The following RELN variants were observed in gnomAD, a reference collection of about 807,000 sequenced individuals.
RELN encodes reelin.
RELN carries 108 observed loss-of-function variants against 427.6 expected under a neutral mutation model. The ratio of observed to expected loss-of-function variants is 0.25; its 90% CI spans 0.22 to 0.30. The LOEUF (loss-of-function observed/expected upper bound fraction) is 0.30, where lower values mean the gene tolerates loss of function less well. Ranked by LOEUF, RELN falls within the 10% of genes least tolerant of loss-of-function variation. The pLI is 1.00. For missense variants in RELN, 3,715 were observed against 4,302.8 expected (o/e 0.86, Z 3.82); for synonymous variants, 1,524 against 1,513.4 (o/e 1.01, Z -0.16).
chr7:103,976,821 C>T (rs1039242747), intron 1 of RELN, among the ~76,000 whole-genome samples: 1 of 152,104 alleles, frequency 6.6e-6, no homozygotes, highest in Non-Finnish European at 1.5e-5. Context: ...ATCAAGAGGT[C>T]GGGCAAATTG....
chr7:103,814,201 C>A (rs1035551139), intron 3 of RELN, among the ~76,000 whole-genome samples: 3 of 152,162 alleles, frequency 2.0e-5, no homozygotes, highest in Non-Finnish European at 4.4e-5. Context: ...GGCATAATAA[C>A]ACTGCTTATT....
At chr7:103,652,242 T>C (rs1832932752) in intron 14 of RELN, among the ~76,000 whole-genome samples, 1 of 151,776 alleles carries the variant, frequency 6.6e-6, no homozygotes, top group Admixed American at 6.6e-5. Context: ...TCAAGCTTTT[T>C]TTCAGTTGCT....
At chr7:103,577,367 G>A (rs753290292) in intron 28 of RELN, among the ~76,000 whole-genome samples, 4 of 152,054 alleles carry the variant, frequency 2.6e-5, no homozygotes, top group Non-Finnish European at 4.4e-5. Flanking sequence ...AGCCAGTAAT[G>A]TTGTTTATTA....
intron 8 of RELN, among the ~76,000 whole-genome samples, chr7:103,714,646 T>G (rs1034633458): frequency 3.9e-5 from 6 of 152,172 alleles, no homozygotes; most frequent in Non-Finnish European, 8.8e-5. Context: ...AGCTCATGCT[T>G]TGTCGAAGTT....
At chr7:103,709,781 T>C (rs1039873560) in intron 8 of RELN, among the ~76,000 whole-genome samples, 10 of 152,234 alleles carry the variant, frequency 6.6e-5, no homozygotes, top group African/African-American at 2.4e-4. Context: ...AATAAATCCA[T>C]GGCTTAAAAT....
chr7:103,876,787 T>TA (rs1554435444), intron 2 of RELN, among the ~76,000 whole-genome samples: 44 of 151,166 alleles, frequency 2.9e-4, no homozygotes, highest in South Asian at 1.5e-3. Flanking sequence ...GCTCTTTTTT[T>TA]TAAAAAAAAG....
chr7:103,858,797 A>G (rs1308982940), intron 2 of RELN, among the ~76,000 whole-genome samples: 1 of 152,160 alleles, frequency 6.6e-6, no homozygotes, highest in Non-Finnish European at 1.5e-5. Flanking sequence ...CATTATAGCA[A>G]ATGTGGACAA....
intron 3 of RELN, among the ~76,000 whole-genome samples, chr7:103,806,964 G>A (rs927286790): frequency 2.6e-5 from 4 of 152,114 alleles, no homozygotes; most frequent in Non-Finnish European, 4.4e-5. Context: ...ACCCCTTCAA[G>A]TCAATGGCTT....
intron 1 of RELN, among the ~76,000 whole-genome samples, chr7:103,974,279 A>C (rs1220785763): frequency 6.6e-6 from 1 of 152,234 alleles, no homozygotes. Context: ...TATTTTTCAG[A>C]CAAGGAAACG....
At chr7:103,864,421 A>T (rs1794145277) in intron 2 of RELN, among the ~76,000 whole-genome samples, 1 of 152,150 alleles carries the variant, frequency 6.6e-6, no homozygotes, top group South Asian at 2.1e-4. Context: ...GTATAACTAA[A>T]ACTTTATACC....
At chr7:103,810,451 A>G (rs1792712346) in intron 3 of RELN, among the ~76,000 whole-genome samples, 1 of 152,104 alleles carries the variant, frequency 6.6e-6, no homozygotes, top group South Asian at 2.1e-4. Flanking sequence ...CAGAGGAAGG[A>G]GGAGAAGACA....
chr7:103,917,803 T>C (rs1162466797), intron 1 of RELN, among the ~76,000 whole-genome samples: 1 of 152,110 alleles, frequency 6.6e-6, no homozygotes, highest in East Asian at 1.9e-4. Context: ...TTTATAACCA[T>C]AAAATCAGGA....
intron 24 of RELN, among the ~76,000 whole-genome samples, chr7:103,597,359 T>C (rs1161609430): frequency 1.3e-5 from 2 of 152,104 alleles, no homozygotes; most frequent in Non-Finnish European, 2.9e-5. Context: ...TCACAGCACT[T>C]TGGGAGGCCG....
intron 28 of RELN, among the ~76,000 whole-genome samples, chr7:103,582,300 T>G (rs981699426): frequency 6.6e-6 from 1 of 152,224 alleles, no homozygotes; most frequent in African/African-American, 2.4e-5. Context: ...GTTTGTGTGT[T>G]TCTCTGTCAT....
intron 2 of RELN, among the ~76,000 whole-genome samples, chr7:103,849,679 A>G (rs28529490): frequency 0.14 from 21,406 of 152,144 alleles, 1,701 homozygotes; most frequent in East Asian, 0.29. Flanking sequence ...ATAGAACTGG[A>G]GTCAGTGAAC....
In RELN at chr7:103,575,588, G is replaced by C. The variant is rs1235295586; in HGVS notation, c.4263C>G (p.Asp1421Glu). The change falls in exon 29 of 65, where the codon GAC (aspartate) becomes GAG (glutamate). Residue 1421 changes from aspartate (D) to glutamate (E), a missense_variant. Asp to Glu is a conservative substitution (Grantham distance 45). Coordinates refer to ENST00000428762, the MANE Select transcript of RELN (RefSeq NM_005045.4). ...CACAGAAACACACTCCTGAAATGCA[G>C]TCCCCATGGCCACTGCAGTAACTGG... ...PCPSYCSGHG[D>E]CISGVCFCDL... 1 of 1,614,116 alleles carries C rather than the reference G, an allele frequency of 6.2e-7. No individual in the cohort carries two copies.
At chr7:103,600,335 A>G (rs1393950068) in intron 24 of RELN, among the ~76,000 whole-genome samples, 1 of 152,206 alleles carries the variant, frequency 6.6e-6, no homozygotes. Context: ...GCTGCCAAAC[A>G]AGTGAGTGCA....
chr7:103,568,337 C>T (rs362730), intron 31 of RELN, among the ~76,000 whole-genome samples: 37,764 of 152,006 alleles, frequency 0.25, 5,508 homozygotes, highest in South Asian at 0.38. Flanking sequence ...GACAAATATG[C>T]TAAAATTAGA....
intron 1 of RELN, among the ~76,000 whole-genome samples, chr7:103,980,089 G>A (rs184143075): frequency 1.3e-5 from 2 of 151,854 alleles, no homozygotes; most frequent in Non-Finnish European, 2.9e-5. Context: ...TGAATCAGGA[G>A]GCGGAGGTTT....
Sources: gnomAD v4.1 joint callset for allele counts (sites outside exome capture counted in the v4.1 genomes callset) on GRCh38, gnomAD v4.1.1 for gene constraint, MANE v1.5 for transcripts, NCBI Gene and HGNC (gene_info 2026-07-23, HGNC 2026-07-21) for gene names.